SWI5: variants seen among roughly 807,000 people sequenced by gnomAD.
SWI5 encodes DNA repair protein SWI5 homolog.
In SWI5, 12 loss-of-function variants were observed where a neutral mutation model predicts 17.0. The observed-to-expected ratio is 0.71, with a 90% CI of 0.45 to 1.14. SWI5 has a LOEUF of 1.14. SWI5 is among the 50% of genes most tolerant of loss of function. The pLI is 0.00. For synonymous variants in SWI5, 61 were observed against 64.0 expected, an observed-to-expected ratio of 0.95 and a Z score of 0.22; for missense variants, 158 against 162.2, an observed-to-expected ratio of 0.97 and a Z score of 0.14.
At chr9:128,286,171 C>T (rs1370565497) in intron 4 of SWI5, 138 bp downstream of exon 4, 1 of 631,756 alleles carries the variant, frequency 1.6e-6, no homozygotes. Flanking sequence ...TAGGCTGCCC[C>T]AGCCCCTCTC....
chr9:128,285,021 C>T lies in SWI5; in HGVS notation c.233+390C>T, dbSNP rs1042789816. On this transcript the variant is annotated intron_variant, in intron 3 of 4. Transcript: ENST00000418976. The surrounding 1 kb of genome is among the most constrained non-coding windows in gnomAD (Gnocchi z 4.8). ...CTGCCCAGTAACTGAAAAACCCAGT[C>T]GCACTGGCCTAGCATAGAAATACGA... Among the ~76,000 whole-genome samples the T allele has an allele frequency of 6.8e-6, 1 of 148,030 alleles. No individual in the cohort carries two copies. The highest frequency in any genetic ancestry group is 1.5e-5 in the Non-Finnish European group (1 of 67,614).
intron 2 of SWI5, among the ~76,000 whole-genome samples, chr9:128,284,220 C>T (rs1038323299): frequency 2.8e-5 from 4 of 141,368 alleles, no homozygotes; most frequent in East Asian, 4.2e-4. Context: ...ACCTGGGAGG[C>T]GGAGGTTGCA....
upstream of SWI5, chr9:128,276,192 G>A: frequency 6.3e-7 from 1 of 1,595,884 alleles, no homozygotes; most frequent in South Asian, 1.1e-5. Flanking sequence ...AACAAAAGCT[G>A]CGCACGCAAC....
chr9:128,284,674 G>A lies in SWI5; in HGVS notation c.233+43G>A, dbSNP rs193058441. 2,225 of 1,603,794 alleles carry A rather than the reference G, an allele frequency of 1.4e-3. 18 individuals carry two copies. Among genetic ancestry groups the A allele is most frequent in the East Asian group, 6.5e-3 (289 of 44,504 alleles). The stretch of plus-strand genomic sequence containing the variant: ...CCCCATCATGGTTAAGATAACTTTG[G>A]GCTAGGCATAGTGGTTCACGCCTGT... On this transcript the variant is annotated intron_variant, in intron 3 of 4. Transcript: ENST00000418976.
At chr9:128,288,480 G>A (rs1470144971) in intron 4 of SWI5, among the ~76,000 whole-genome samples, 172 bp from the exon 5 acceptor site, 4 of 152,220 alleles carry the variant, frequency 2.6e-5, no homozygotes, top group African/African-American at 7.2e-5. Flanking sequence ...CAGCCTGGAA[G>A]GAGTAGCAGG....
chr9:128,286,297 G>T, intron 4 of SWI5: 1 of 451,278 alleles, frequency 2.2e-6, no homozygotes, highest in Admixed American at 3.3e-5. Context: ...TGAGAACTCA[G>T]GGTCTCCCCA....
rs568574479 is a variant in SWI5 at position 128,288,004 on chromosome 9, A to G, written c.329-648A>G. 2.0e-5 allele frequency among the ~76,000 whole-genome samples: 3 copies of G among 151,976 alleles called. No homozygotes were observed. In the South Asian group the frequency reaches 6.2e-4, roughly 31 times the overall value. ...TTGTTTTCCTGTTAGGGGTGGAGGA[A>G]TGCCCAGGAAGTCAGTGGACTCAGC... On this transcript the variant is annotated intron_variant, in intron 4 of 4. Transcript: ENST00000418976.
chr9:128,276,808 C>A, intron 2 of SWI5, 53 bp downstream of exon 2: 1 of 1,535,052 alleles, frequency 6.5e-7, no homozygotes. Context: ...TTCCCTTGTG[C>A]GCTCCCGGCC....
At chr9:128,283,131 A>G (rs549847557) in intron 2 of SWI5, among the ~76,000 whole-genome samples, 20 of 152,096 alleles carry the variant, frequency 1.3e-4, no homozygotes, top group Admixed American at 6.6e-4. Flanking sequence ...CCTGGCCAAC[A>G]TGGTGAAACC....
In SWI5 at chr9:128,276,773, C is replaced by T. The variant is rs747469292; in HGVS notation, c.111+18C>T. The T allele has an allele frequency of 1.9e-6, 3 of 1,599,638 alleles. No individual in the cohort carries two copies. Among genetic ancestry groups the T allele is most frequent in the Middle Eastern group, 1.7e-4 (1 of 6,002 alleles). ...GATCCCCTGTGAGTATTTCTTCCCC[C>T]ACACCCCCTTTCCCATCCTCGACCT... On this transcript the variant is annotated intron_variant, in intron 2 of 4. Transcript: ENST00000418976.
chr9:128,285,746 G>A lies in SWI5; in HGVS notation c.234-193G>A, dbSNP rs995693234. ...TAAGGAGACAGGGCACATTTGCCAGGAGTGAGGACCTGGGAAGATCCCCTG... is the reference window on the plus strand; with the variant it reads ...TAAGGAGACAGGGCACATTTGCCAGAAGTGAGGACCTGGGAAGATCCCCTG... On this transcript the variant is annotated intron_variant, in intron 3 of 4. Coordinates refer to ENST00000418976, the Ensembl canonical transcript of SWI5. This position sits in a 1 kb window ranked among gnomAD's most constrained non-coding sequence, Gnocchi z 4.8. Among the ~76,000 whole-genome samples the A allele has an allele frequency of 9.9e-5, 15 of 152,182 alleles. No individual in the cohort carries two copies. The highest frequency in any genetic ancestry group is 2.9e-4 in the African/African-American group (12 of 41,448).
chr9:128,276,076 A>G, upstream of SWI5: 1 of 1,574,272 alleles, frequency 6.4e-7, no homozygotes, highest in South Asian at 1.1e-5. Flanking sequence ...GGAGCGCAGA[A>G]TGGGGGCGTG....
chr9:128,288,820 A>G, exon 5 of SWI5: 1 of 1,339,740 alleles, frequency 7.5e-7, no homozygotes, highest in East Asian at 2.3e-5. Context: ...CCAGCGAGAC[A>G]ATGCCAGAAG....
intron 2 of SWI5, among the ~76,000 whole-genome samples, chr9:128,278,337 G>A (rs1445907272): frequency 6.6e-6 from 1 of 152,084 alleles, no homozygotes; most frequent in Non-Finnish European, 1.5e-5. Flanking sequence ...GGGAGGCTAA[G>A]GTGAGTGGAT....
rs1831637678 is a variant in SWI5, at chr9:128,286,262, A to G, written c.328+229A>G. The G allele has an allele frequency of 5.9e-6, 3 of 508,728 alleles. No homozygotes were observed. The South Asian group carries it at 7.7e-5, about 13-fold the overall frequency. 31.5% of individuals were successfully genotyped at this position (508,728 alleles called of 1,614,324 possible). The stretch of plus-strand genomic sequence containing the variant: ...TGCTTTGGAGCCGCAGCCAGGTTTG[A>G]GCGGGGCTTGCCCATCTGCCAGACT... On this transcript the variant is annotated intron_variant, in intron 4 of 4. Coordinates refer to ENST00000418976, the Ensembl canonical transcript of SWI5.
At chr9:128,282,702 C>A (rs1487936800) in intron 2 of SWI5, among the ~76,000 whole-genome samples, 2 of 152,212 alleles carry the variant, frequency 1.3e-5, no homozygotes, top group Non-Finnish European at 2.9e-5. Flanking sequence ...TGGTTACAAG[C>A]CACTAACCTA....
At chr9:128,276,747 C>G (rs755097717) in exon 2 of SWI5, 4 of 1,612,328 alleles carry the variant, frequency 2.5e-6, no homozygotes, top group Admixed American at 1.7e-5. Flanking sequence ...CGGGGCCTTC[C>G]GATCCCCTGT....
intron 2 of SWI5, among the ~76,000 whole-genome samples, chr9:128,279,194 A>G (rs373466965): frequency 2.0e-5 from 3 of 151,548 alleles, no homozygotes; most frequent in Admixed American, 6.6e-5. Flanking sequence ...GCTTCCTGCC[A>G]CTCCTGAGGT....
intron 2 of SWI5, among the ~76,000 whole-genome samples, chr9:128,279,322 C>T (rs989635984): frequency 2.6e-5 from 4 of 152,034 alleles, no homozygotes; most frequent in Non-Finnish European, 2.9e-5. Context: ...AAGAGAAAAC[C>T]GCTGGGCCCA....
Sources: gnomAD v4.1 joint callset for allele counts (sites outside exome capture counted in the v4.1 genomes callset) on GRCh38, gnomAD v4.1.1 for gene constraint, Gnocchi (gnomAD v3.1) non-coding constraint, MANE v1.5 for transcripts, NCBI Gene and HGNC (gene_info 2026-07-23, HGNC 2026-07-21) for gene names.